PRDM1: variants seen among roughly 807,000 people sequenced by gnomAD.
PRDM1 encodes the protein PR domain zinc finger protein 1.
A neutral mutation model predicts 62.8 loss-of-function variants in PRDM1; 13 were observed. The observed-to-expected ratio is 0.21, with a 90% CI of 0.13 to 0.33. The LOEUF (loss-of-function observed/expected upper bound fraction) is 0.33, where lower values mean the gene tolerates loss of function less well. PRDM1 is among the 10% of genes least tolerant of loss of function. The pLI, the probability that PRDM1 is intolerant of heterozygous loss-of-function variation, is 1.00. For missense variants in PRDM1, 895 were observed against 1,058.8 expected (o/e 0.85, Z 2.15); for synonymous variants, 396 against 417.6 (o/e 0.95, Z 0.63).
At chr6:106,087,879 G>C in intron 1 of PRDM1, 1 of 266,940 alleles carries the variant, frequency 3.7e-6, no homozygotes, top group Non-Finnish European at 7.1e-6. Context: ...ACTGGACTGT[G>C]TGCCCAGAAC....
intron 1 of PRDM1, among the ~76,000 whole-genome samples, chr6:106,013,121 C>G (rs1772577388): frequency 6.6e-6 from 1 of 151,658 alleles, no homozygotes; most frequent in Non-Finnish European, 1.5e-5. Flanking sequence ...TGTCCTCAAT[C>G]AAGCCAACCT....
At chr6:106,085,687 T>G (rs1166570666), upstream of PRDM1, among the ~76,000 whole-genome samples, 2 of 152,128 alleles carry the variant, frequency 1.3e-5, no homozygotes, top group Admixed American at 1.3e-4. Flanking sequence ...TTACTTACAC[T>G]CCTGGGAAGT....
At position 106,105,717 on chromosome 6, in the gene PRDM1, G is replaced by A. The variant is rs138916112; in HGVS notation, c.1557G>A (p.Ala519=). 8.7e-4 allele frequency: 1,398 copies of A among 1,613,572 alleles called. 4 individuals carry two copies. The highest frequency in any genetic ancestry group is 2.0e-3 in the Admixed American group (122 of 60,024). The part of the protein sequence containing the change: ...ACSPTSGSPT[A]GTAATAEHVV... Reference sequence around the variant, plus strand: ...GCCCCACAAGCGGGTCTCCCACGGCGGGAACAGCCGCCACGGCAGAACATG... The same window carrying A: ...GCCCCACAAGCGGGTCTCCCACGGCAGGAACAGCCGCCACGGCAGAACATG... Residue 519 remains alanine (A), a synonymous_variant, in exon 5 of 7, where the codon GCG becomes GCA. Coordinates refer to ENST00000369096, the MANE Select transcript of PRDM1 (RefSeq NM_001198.4).
chr6:106,086,436 G>T lies in PRDM1; in HGVS notation c.-118G>T, dbSNP rs1773806925. ...GTCCGCCCGGAGCTGGGACGCGGGC[G>T]CCCGGGCGGCCGGACGAAGCGAGGA... On this transcript the variant is annotated 5_prime_UTR_variant, in exon 1 of 7. Coordinates refer to ENST00000369096, the MANE Select transcript of PRDM1 (RefSeq NM_001198.4). 2 of 935,148 alleles carry T rather than the reference G, an allele frequency of 2.1e-6. No individual in the cohort carries two copies. The highest frequency in any genetic ancestry group is 3.2e-6 in the Non-Finnish European group (2 of 619,610). 57.9% of individuals were successfully genotyped at this position (935,148 alleles called of 1,614,324 possible).
rs1280567332 is a variant in PRDM1, at chr6:106,105,547, C to T, written c.1387C>T (p.Pro463Ser). Reference sequence around the variant, plus strand: ...CAGCCTGCCCCACCCCATGCTCAACCCCACTTCTCTCCCGAGCTCGCTGCC... The same window carrying T: ...CAGCCTGCCCCACCCCATGCTCAACTCCACTTCTCTCCCGAGCTCGCTGCC... Reference protein sequence around the residue: ...GGSLPHPMLNPTSLPSSLPSD... With the variant: ...GGSLPHPMLNSTSLPSSLPSD... The change falls in exon 5 of 7, where the codon CCC (proline) becomes TCC (serine). Residue 463 changes from proline to serine, a missense_variant. Transcript: ENST00000369096. The T allele has an allele frequency of 3.1e-5, 50 of 1,612,780 alleles. No individual in the cohort carries two copies. The highest frequency in any genetic ancestry group is 1.2e-4 in the South Asian group (11 of 91,036).
In PRDM1 at chr6:106,107,618, G is replaced by A. The variant is rs188292558; in HGVS notation, c.*132G>A. 2.3e-4 allele frequency: 170 copies of A among 724,498 alleles called. No individual in the cohort carries two copies. In the African/African-American group the frequency reaches 3.0e-3, roughly 13 times the overall value. 44.9% of individuals were successfully genotyped at this position (724,498 alleles called of 1,614,324 possible). ...CAGCAAATGGTTTCCCCTCACCTCT[G>A]GAATTAAAGAAGGAACTCCAAAGTT... is the stretch of plus-strand genomic sequence containing the variant. On this transcript the variant is annotated 3_prime_UTR_variant, in exon 7 of 7. Transcript: ENST00000369096.
At position 106,109,091 on chromosome 6, in the gene PRDM1, CAAAAAAAA is replaced by C. The variant is rs36077280; in HGVS notation, c.*1620_*1627del. 2.6e-4 allele frequency: 32 copies of C among 121,788 alleles called. No homozygotes were observed. Among genetic ancestry groups the C allele is most frequent in the Non-Finnish European group, 4.0e-4 (26 of 64,698 alleles). The allele number at this position is 121,788 out of a possible 1,614,324, so 7.5% of individuals were successfully genotyped here. A position where few individuals can be genotyped will look rare whatever the true frequency, so the allele number is the denominator to read the frequency against. On this transcript the variant is annotated 3_prime_UTR_variant, in exon 7 of 7. Transcript: ENST00000369096. The stretch of plus-strand genomic sequence containing the variant: ...GTAAAAGATCTACTTTTTCTAAGGG[CAAAAAAAA>C]AAAAAAAAAAAAAAGAACACTCCTT...
chr6:106,064,251 C>T (rs1773391547), intron 1 of PRDM1, among the ~76,000 whole-genome samples: 1 of 152,190 alleles, frequency 6.6e-6, no homozygotes, highest in Non-Finnish European at 1.5e-5. Context: ...GGCCCAAAAG[C>T]AGTTAGCCTC....
At chr6:105,998,919 ATATATATATATATATTTTTTT>A (rs1397090297) in intron 1 of PRDM1, among the ~76,000 whole-genome samples, 4 of 4,790 alleles carry the variant, frequency 8.4e-4, no homozygotes, top group African/African-American at 1.7e-3. Context: ...ATATATATAT[ATATATATATATATATTTTTTT>A]TTTTTTTTTT....
At chr6:106,101,356 G>A (rs1302263508) in intron 4 of PRDM1, among the ~76,000 whole-genome samples, 2 of 152,052 alleles carry the variant, frequency 1.3e-5, no homozygotes, top group Admixed American at 6.6e-5. Flanking sequence ...AAGGCCTGGC[G>A]TTTTTATTCC....
At position 106,086,496 on chromosome 6, in the gene PRDM1, C is replaced by A; in HGVS notation, c.-58C>A. The A allele has an allele frequency of 6.6e-7, 1 of 1,513,352 alleles. No individual in the cohort carries two copies. The highest frequency in any genetic ancestry group is 9.0e-7 in the Non-Finnish European group (1 of 1,115,040). The allele number at this position is 1,513,352 out of a possible 1,614,324, so 93.7% of individuals were successfully genotyped here. A position where few individuals can be genotyped will look rare whatever the true frequency, so the allele number is the denominator to read the frequency against. ...GAGGTGCGCGTCTGTGCGGCTCAGC[C>A]TGGCGGGGGACGCGGGGAGAATGTG... On this transcript the variant is annotated 5_prime_UTR_variant, in exon 1 of 7. The change creates a new upstream start codon in the 5' untranslated region. Transcript: ENST00000369096.
intron 2 of PRDM1, among the ~76,000 whole-genome samples, chr6:106,089,438 T>C (rs2114620194): frequency 6.6e-6 from 1 of 152,326 alleles, no homozygotes; most frequent in Middle Eastern, 3.4e-3. Flanking sequence ...TCAAATCACT[T>C]TCCCCCTTCC....
At chr6:106,096,459 G>T (rs1346318377) in intron 3 of PRDM1, among the ~76,000 whole-genome samples, 1 of 152,102 alleles carries the variant, frequency 6.6e-6, no homozygotes, top group Non-Finnish European at 1.5e-5. Context: ...AATGACAAAT[G>T]AATTACCTTA....
intron 1 of PRDM1, among the ~76,000 whole-genome samples, chr6:106,079,086 G>A (rs13217284): frequency 0.015 from 2,289 of 151,656 alleles, 59 homozygotes; most frequent in African/African-American, 0.052. Context: ...TCAGCCTCCC[G>A]AGTAGCTGGG....
intron 1 of PRDM1, among the ~76,000 whole-genome samples, chr6:106,062,956 T>C (rs1442218514): frequency 6.6e-6 from 1 of 152,160 alleles, no homozygotes; most frequent in Non-Finnish European, 1.5e-5. Context: ...ATAGATGGAT[T>C]CCCTTACCAG....
intron 1 of PRDM1, among the ~76,000 whole-genome samples, chr6:106,041,273 C>T (rs1258512929): frequency 2.6e-5 from 4 of 152,122 alleles, no homozygotes; most frequent in Non-Finnish European, 5.9e-5. Flanking sequence ...CCAGGCCCTA[C>T]CTGCAAACAT....
rs896233598 is a variant in PRDM1 at position 106,087,534 on chromosome 6, G to A, written c.43-667G>A. ...TTCCTCCTCTTTTCCTGTGGTCCAA[G>A]TGATTTCTAAGAGGCCGTAGCTCAG... On this transcript the variant is annotated intron_variant, in intron 1 of 6. Transcript: ENST00000369096. 17 of 232,746 alleles carry A rather than the reference G, an allele frequency of 7.3e-5. No individual in the cohort carries two copies. The Admixed American group carries it at 9.6e-4, about 13-fold the overall frequency. The allele number at this position is 232,746 out of a possible 1,614,324, so 14.4% of individuals were successfully genotyped here.
At chr6:106,028,918 CTTTTTT>C (rs756143283) in intron 1 of PRDM1, among the ~76,000 whole-genome samples, 1 of 124,294 alleles carries the variant, frequency 8.0e-6, no homozygotes, top group Admixed American at 8.2e-5. Flanking sequence ...TTCTTTCCTT[CTTTTTT>C]TTTTTTTTTT....
intron 1 of PRDM1, among the ~76,000 whole-genome samples, chr6:106,042,861 T>TG (rs1414433624): frequency 6.6e-6 from 1 of 152,142 alleles, no homozygotes; most frequent in Non-Finnish European, 1.5e-5. Context: ...TAACACATTT[T>TG]GGGGGGAGGA....
Sources: allele counts gnomAD v4.1 joint callset (sites outside exome capture counted in the v4.1 genomes callset), GRCh38; gene constraint gnomAD v4.1.1; transcripts MANE v1.5; gene names NCBI Gene and HGNC (gene_info 2026-07-23, HGNC 2026-07-21).